The following CLTC variants were observed in gnomAD, a reference collection of about 807,000 sequenced individuals.
CLTC encodes the protein clathrin heavy chain 1.
A neutral mutation model predicts 195.8 loss-of-function variants in CLTC; 16 were observed. The ratio of observed to expected loss-of-function variants is 0.08; its 90% CI spans 0.06 to 0.12. The LOEUF is 0.12. Ranked by LOEUF, CLTC falls within the 10% of genes least tolerant of loss-of-function variation. The pLI is 1.00. For missense variants in CLTC, 796 were observed against 2,027.0 expected (o/e 0.39, Z 11.66); for synonymous variants, 667 against 689.4 (o/e 0.97, Z 0.51).
chr17:59,687,053 T>G (rs2033199878), intron 30 of CLTC: 1 of 978,394 alleles, frequency 1.0e-6, no homozygotes, highest in African/African-American at 1.8e-5. Flanking sequence ...TCTTTAAGTC[T>G]GGAGGACTAA....
intron 3 of CLTC, 31 bp downstream of exon 3, chr17:59,647,697 G>A (rs772527997): frequency 6.3e-7 from 1 of 1,588,864 alleles, no homozygotes; most frequent in East Asian, 2.2e-5. Context: ...TTATGAAGAA[G>A]AGGTTTAGAA....
chr17:59,673,975 T>C (rs2032910304), intron 15 of CLTC, among the ~76,000 whole-genome samples: 1 of 152,098 alleles, frequency 6.6e-6, no homozygotes, highest in South Asian at 2.1e-4. Context: ...CACAGCTCAC[T>C]CTAACCTTAA....
At chr17:59,650,042 G>C (rs1263128558) in intron 4 of CLTC, among the ~76,000 whole-genome samples, 5 of 152,142 alleles carry the variant, frequency 3.3e-5, no homozygotes, top group Non-Finnish European at 7.3e-5. Flanking sequence ...AAGTTTTTCA[G>C]TATGGCTAGT....
At chr17:59,659,744 G>A (rs1212895168) in intron 6 of CLTC, among the ~76,000 whole-genome samples, 3 of 151,892 alleles carry the variant, frequency 2.0e-5, no homozygotes, top group African/African-American at 7.3e-5. Flanking sequence ...CACTGCACCC[G>A]GCCTATTTTT....
intron 5 of CLTC, among the ~76,000 whole-genome samples, chr17:59,653,141 A>G (rs1175847989): frequency 6.6e-6 from 1 of 152,014 alleles, no homozygotes. Context: ...AGAATGTTGT[A>G]GCTGGTTGGA....
intron 6 of CLTC, among the ~76,000 whole-genome samples, chr17:59,657,037 T>C (rs1470299574): frequency 1.3e-5 from 2 of 152,192 alleles, no homozygotes; most frequent in Non-Finnish European, 2.9e-5. Context: ...TGGCTAAACA[T>C]TTTAAAAATA....
At chr17:59,670,258 T>C (rs1231944574) in intron 14 of CLTC, among the ~76,000 whole-genome samples, 1 of 138,598 alleles carries the variant, frequency 7.2e-6, no homozygotes, top group Non-Finnish European at 1.6e-5. Context: ...TAGATTCTTT[T>C]GGGGGCAGGG....
chr17:59,687,374 C>T (rs983505486), intron 30 of CLTC, among the ~76,000 whole-genome samples: 2 of 152,062 alleles, frequency 1.3e-5, no homozygotes, highest in African/African-American at 4.8e-5. Flanking sequence ...CATAATAGGA[C>T]TGTCATAATC....
At chr17:59,687,902 T>G (rs1275108238) in intron 30 of CLTC, among the ~76,000 whole-genome samples, 1 of 152,136 alleles carries the variant, frequency 6.6e-6, no homozygotes, top group African/African-American at 2.4e-5. Flanking sequence ...ACGTCTGTTA[T>G]CAAATTGTGG....
chr17:59,631,864 G>C (rs1445231191), intron 1 of CLTC, among the ~76,000 whole-genome samples: 8 of 151,992 alleles, frequency 5.3e-5, no homozygotes, highest in Non-Finnish European at 1.0e-4. Flanking sequence ...CATCTACTTG[G>C]GAGGCTGAGG....
chr17:59,634,474 T>C (rs1038427760), intron 1 of CLTC, among the ~76,000 whole-genome samples: 1 of 152,200 alleles, frequency 6.6e-6, no homozygotes, highest in African/African-American at 2.4e-5. Context: ...ATATAAAGTT[T>C]TTGAAAATTT....
intron 1 of CLTC, among the ~76,000 whole-genome samples, chr17:59,640,844 G>C (rs1324597004): frequency 1.3e-5 from 2 of 151,968 alleles, no homozygotes; most frequent in East Asian, 1.9e-4. Context: ...GACACGGCTG[G>C]ACGCCGTGGC....
chr17:59,633,968 G>C (rs1350281016), intron 1 of CLTC, among the ~76,000 whole-genome samples: 1 of 152,136 alleles, frequency 6.6e-6, no homozygotes. Flanking sequence ...AAGTGCAGGG[G>C]TGCAGTCACA....
At chr17:59,643,416 T>C (rs899023679) in intron 1 of CLTC, among the ~76,000 whole-genome samples, 1 of 152,184 alleles carries the variant, frequency 6.6e-6, no homozygotes, top group Non-Finnish European at 1.5e-5. Flanking sequence ...ATCCACTATA[T>C]TTGTTTAGCA....
chr17:59,649,783 A>G (rs527888327), intron 4 of CLTC, among the ~76,000 whole-genome samples: 3 of 152,352 alleles, frequency 2.0e-5, no homozygotes, highest in East Asian at 1.9e-4. Flanking sequence ...CAACACCTCA[A>G]TGTGACAGTG....
At chr17:59,620,474 A>G (rs1240038327) in intron 1 of CLTC, among the ~76,000 whole-genome samples, 1 of 151,812 alleles carries the variant, frequency 6.6e-6, no homozygotes, top group African/African-American at 2.4e-5. Context: ...TCCCCATTTT[A>G]TTCATTTCAT....
In CLTC at chr17:59,685,725, G is replaced by A. The variant is rs780462309; in HGVS notation, c.4744G>A (p.Val1582Ile). The change falls in exon 30 of 32, where the codon GTC (valine) becomes ATC (isoleucine). Residue 1582 changes from valine to isoleucine, a missense_variant. Physicochemically the swap from Val to Ile is conservative, Grantham distance 29 (BLOSUM62 3). Transcript: ENST00000269122. This position sits in a 1 kb window ranked among gnomAD's most constrained non-coding sequence, Gnocchi z 5.0. ...TCYDLLRPDV[V>I]LETAWRHNIM... ...TTACGATCTTTTAAGGCCAGATGTC[G>A]TCCTAGAAACTGCATGGAGGCACAA... 26 of 1,613,928 alleles carry A rather than the reference G, an allele frequency of 1.6e-5. No homozygotes were observed. The highest frequency in any genetic ancestry group is 2.1e-5 in the Non-Finnish European group (25 of 1,179,976).
Position 59,620,022 on chromosome 17 carries a change from G to C in CLTC, c.-110G>C. 1 of 953,668 alleles carries C rather than the reference G, an allele frequency of 1.0e-6. No individual in the cohort carries two copies. The highest frequency in any genetic ancestry group is 1.6e-6 in the Non-Finnish European group (1 of 611,578). The allele number at this position is 953,668 out of a possible 1,614,324, so 59.1% of individuals were successfully genotyped here. On this transcript the variant is annotated 5_prime_UTR_variant, in exon 1 of 32. Coordinates refer to ENST00000269122, the MANE Select transcript of CLTC (RefSeq NM_004859.4). Reference sequence around the variant, plus strand: ...TTCCTGCGTCCCCGGAGAGGATCCTGCTGAGCCCAGCCTCCCCCCTCCCCT... The same window carrying C: ...TTCCTGCGTCCCCGGAGAGGATCCTCCTGAGCCCAGCCTCCCCCCTCCCCT...
intron 16 of CLTC, 30 bp downstream of exon 16, chr17:59,674,873 ACT>A (rs768502894): frequency 4.6e-5 from 73 of 1,597,750 alleles, no homozygotes; most frequent in Non-Finnish European, 6.0e-5. Context: ...GGGATAAGTT[ACT>A]CTTTCTTAAC....
Sources: gnomAD v4.1 joint callset for allele counts (sites outside exome capture counted in the v4.1 genomes callset) on GRCh38, gnomAD v4.1.1 for gene constraint, Gnocchi (gnomAD v3.1) non-coding constraint, MANE v1.5 for transcripts, NCBI Gene and HGNC (gene_info 2026-07-23, HGNC 2026-07-21) for gene names.